The following TMEM138 variants were observed in gnomAD, a reference collection of about 807,000 sequenced individuals.
TMEM138 encodes the protein transmembrane protein 138.
Under a neutral mutation model 18.1 loss-of-function variants are expected in TMEM138, and 9 were observed. The ratio of observed to expected loss-of-function variants is 0.50; its 90% confidence interval spans 0.30 to 0.87. The LOEUF (loss-of-function observed/expected upper bound fraction) is 0.87, where lower values mean the gene tolerates loss of function less well. TMEM138 is among the 40% of genes least tolerant of loss of function. The probability of loss-of-function intolerance (pLI) is 0.06; values close to 1 mark genes in which losing one functional copy is unlikely to be tolerated. For synonymous variants in TMEM138, 79 were observed against 74.8 expected (o/e 1.06, Z -0.29); for missense variants, 189 against 190.6 (o/e 0.99, Z 0.05).
downstream of TMEM138, among the ~76,000 whole-genome samples, chr11:61,371,445 CAG>C (rs1858341509): frequency 6.6e-6 from 1 of 152,198 alleles, no homozygotes; most frequent in African/African-American, 2.4e-5. Context: ...TGACTGCCCT[CAG>C]AAATTGTTCT....
At chr11:61,374,150 T>A (rs1216792929), downstream of TMEM138, among the ~76,000 whole-genome samples, 1 of 147,670 alleles carries the variant, frequency 6.8e-6, no homozygotes, top group East Asian at 2.0e-4. Flanking sequence ...GTCCTTTTTT[T>A]TTTTTTTTTT....
chr11:61,366,475 T>G, intron 3 of TMEM138: 1 of 339,096 alleles, frequency 2.9e-6, no homozygotes, highest in Admixed American at 4.8e-5. Flanking sequence ...TCTTTTCTTT[T>G]TTTTTTTTTT....
intron 3 of TMEM138, 100 bp from the exon 4 acceptor site, chr11:61,367,823 G>A: frequency 1.3e-6 from 1 of 755,746 alleles, no homozygotes; most frequent in Non-Finnish European, 2.4e-6. Flanking sequence ...GAAGAGGTTA[G>A]CATGATTTTA....
chr11:61,368,099 G>T, intron 4 of TMEM138, 101 bp downstream of exon 4: 1 of 853,700 alleles, frequency 1.2e-6, no homozygotes, highest in Admixed American at 1.7e-5. Flanking sequence ...AGCTGGCTTG[G>T]GATGGTTGTG....
At chr11:61,364,691 AC>A in intron 2 of TMEM138, 173 bp downstream of exon 2, 1 of 846,384 alleles carries the variant, frequency 1.2e-6, no homozygotes, top group Non-Finnish European at 1.8e-6. Context: ...GAGTTTGAGG[AC>A]CAGCCTAGGC....
downstream of TMEM138, among the ~76,000 whole-genome samples, chr11:61,370,813 C>A (rs1019015096): frequency 1.3e-5 from 2 of 152,072 alleles, no homozygotes; most frequent in African/African-American, 4.8e-5. Flanking sequence ...ACATAGGAAA[C>A]GGGAAAGTGT....
chr11:61,364,302 C>CCT lies in TMEM138; in HGVS notation c.-85_-84dup. ...AGCTCTCATTCAAAGGAACTAGAAG[C>CCT]CTCTCCCTCAGTGGTAGGGAGACAG... On this transcript the variant is annotated 5_prime_UTR_variant, in exon 2 of 5. Transcript: ENST00000278826. 1 of 1,480,708 alleles carries CCT rather than the reference C, an allele frequency of 6.8e-7. No individual in the cohort carries two copies. The highest frequency in any genetic ancestry group is 9.2e-7 in the Non-Finnish European group (1 of 1,087,752). 91.7% of individuals were successfully genotyped at this position (1,480,708 alleles called of 1,614,324 possible).
Position 61,368,769 on chromosome 11 carries a change from C to A in TMEM138, c.*60C>A. On this transcript the variant is annotated 3_prime_UTR_variant, in exon 5 of 5. Transcript: ENST00000278826. ...GATAGAAGCCACATTTGCTGCTTTG[C>A]AGGGAGAGTTGGCCCTATGCATGGG... 1 of 1,375,950 alleles carries A rather than the reference C, an allele frequency of 7.3e-7. No homozygotes were observed. The highest frequency in any genetic ancestry group is 1.0e-6 in the Non-Finnish European group (1 of 969,636). The allele number at this position is 1,375,950 out of a possible 1,614,324, so 85.2% of individuals were successfully genotyped here.
At chr11:61,372,405 G>T (rs2135172910), downstream of TMEM138, among the ~76,000 whole-genome samples, 1 of 149,362 alleles carries the variant, frequency 6.7e-6, no homozygotes, top group Non-Finnish European at 1.5e-5. Context: ...GGGTTTAAAT[G>T]ATTCTCCTGC....
downstream of TMEM138, among the ~76,000 whole-genome samples, chr11:61,370,598 A>T (rs992450722): frequency 6.6e-6 from 1 of 152,186 alleles, no homozygotes; most frequent in African/African-American, 2.4e-5. Context: ...AGGCATGGAT[A>T]CAGAGAGAGT....
chr11:61,364,659 C>A (rs979669270), intron 2 of TMEM138, 141 bp downstream of exon 2: 3 of 1,165,920 alleles, frequency 2.6e-6, no homozygotes, highest in Non-Finnish European at 3.6e-6. Flanking sequence ...GAAGCCAAGG[C>A]AGGAGGATCT....
chr11:61,368,376 C>A, intron 4 of TMEM138: 1 of 518,378 alleles, frequency 1.9e-6, no homozygotes, highest in Non-Finnish European at 3.5e-6. Context: ...CAGGCGCCCG[C>A]CACCACGCCC....
chr11:61,365,033 C>G (rs183373497), intron 2 of TMEM138, among the ~76,000 whole-genome samples: 3 of 151,538 alleles, frequency 2.0e-5, no homozygotes, highest in Non-Finnish European at 4.4e-5. Context: ...ACTAAAAATA[C>G]AAAAATTAGA....
At chr11:61,369,945 CAA>C (rs577753708), downstream of TMEM138, among the ~76,000 whole-genome samples, 1 of 152,188 alleles carries the variant, frequency 6.6e-6, no homozygotes, top group Non-Finnish European at 1.5e-5. Context: ...AGCCCAGAAA[CAA>C]AGTGGCAAAC....
At chr11:61,367,580 A>G in intron 3 of TMEM138, 1 of 236,356 alleles carries the variant, frequency 4.2e-6, no homozygotes, top group Admixed American at 5.2e-5. Flanking sequence ...GAGTACACCA[A>G]AGTCTTTATC....
chr11:61,370,386 TTG>T (rs1858307996), downstream of TMEM138, among the ~76,000 whole-genome samples: 1 of 152,214 alleles, frequency 6.6e-6, no homozygotes, highest in Non-Finnish European at 1.5e-5. Context: ...TGGTTAAACA[TTG>T]TGAGAGCACA....
At chr11:61,371,631 T>C (rs1326278507), downstream of TMEM138, among the ~76,000 whole-genome samples, 1 of 152,202 alleles carries the variant, frequency 6.6e-6, no homozygotes, top group African/African-American at 2.4e-5. Context: ...CTTGAAGAGA[T>C]GTATTATTCT....
downstream of TMEM138, among the ~76,000 whole-genome samples, chr11:61,371,839 A>C (rs1463872930): frequency 6.6e-6 from 1 of 152,180 alleles, no homozygotes. Context: ...GAAGCCTTGC[A>C]AGTCAGGTGG....
At chr11:61,374,687 C>T (rs1858412312), downstream of TMEM138, among the ~76,000 whole-genome samples, 2 of 152,134 alleles carry the variant, frequency 1.3e-5, no homozygotes, top group South Asian at 4.1e-4. Flanking sequence ...TGGTGACTCA[C>T]ACCTGTAATT....
Sources: allele counts gnomAD v4.1 joint callset (sites outside exome capture counted in the v4.1 genomes callset), GRCh38; gene constraint gnomAD v4.1.1; transcripts MANE v1.5; gene names NCBI Gene and HGNC (gene_info 2026-07-23, HGNC 2026-07-21).